Variants in SV2B observed in about 807,000 individuals in gnomAD.
SV2B encodes synaptic vesicle glycoprotein 2B, also known as solute carrier family 22 member B2.
Under a neutral mutation model 73.9 loss-of-function variants are expected in SV2B, and 41 were observed. That is an observed-to-expected ratio of 0.56 (90% confidence interval 0.43 to 0.72). The LOEUF (loss-of-function observed/expected upper bound fraction) is 0.72. Among genes scored for constraint, SV2B ranks in the 30% least tolerant of loss-of-function variants. SV2B has a pLI of 0.00. For missense variants in SV2B, 764 were observed against 857.8 expected (o/e 0.89, Z 1.37); for synonymous variants, 314 against 314.2 (o/e 1.00, Z 0.01).
At position 91,239,883 on chromosome 15, in the gene SV2B, A is replaced by T. The variant is rs541071371; in HGVS notation, c.452-11936A>T. Reference sequence around the variant, plus strand: ...CCATGGTGGTCACAAGATAGCCACCATAGCTCTAATCTAAGTCCCCCGATA... The same window carrying T: ...CCATGGTGGTCACAAGATAGCCACCTTAGCTCTAATCTAAGTCCCCCGATA... On this transcript the variant is annotated intron_variant, in intron 2 of 12. Transcript: ENST00000394232. This position sits in a 1 kb window ranked among gnomAD's most constrained non-coding sequence, Gnocchi z 5.1. Among the ~76,000 whole-genome samples, 1 of 152,336 alleles carries T rather than the reference A, an allele frequency of 6.6e-6. No individual in the cohort carries two copies. The highest frequency in any genetic ancestry group is 1.9e-4 in the East Asian group (1 of 5,184).
At chr15:91,186,997 T>G (rs934810105) in intron 1 of SV2B, among the ~76,000 whole-genome samples, 6 of 152,234 alleles carry the variant, frequency 3.9e-5, no homozygotes, top group Admixed American at 1.3e-4. Context: ...AAAAGTACAC[T>G]TTTTGTTTTC....
intron 1 of SV2B, among the ~76,000 whole-genome samples, chr15:91,184,247 C>G (rs1385113007): frequency 6.6e-6 from 1 of 152,184 alleles, no homozygotes; most frequent in Non-Finnish European, 1.5e-5. Flanking sequence ...AGTGCCCACT[C>G]TCAGTAAGAA....
chr15:91,160,098 C>G (rs753271409), intron 1 of SV2B, among the ~76,000 whole-genome samples: 1 of 152,084 alleles, frequency 6.6e-6, no homozygotes, highest in Non-Finnish European at 1.5e-5. Context: ...GTGCCATGTT[C>G]CTGGATGGAA....
At chr15:91,266,764 G>A in intron 7 of SV2B, 72 bp downstream of exon 7, 1 of 1,285,656 alleles carries the variant, frequency 7.8e-7, no homozygotes, top group Non-Finnish European at 1.1e-6. Context: ...GATGAAAAAT[G>A]CAGCTCCTGA....
rs1312517129 is a variant in SV2B, at chr15:91,267,957, C to T, written c.1208+314C>T. ...TGCTGGGACTACAGATGTGTGCCAC[C>T]ACACCTGGATAATTTTTGTATTTTT... On this transcript the variant is annotated intron_variant, in intron 8 of 12. Transcript: ENST00000394232. The surrounding 1 kb of genome is among the most constrained non-coding windows in gnomAD (Gnocchi z 4.3). 6.6e-6 allele frequency among the ~76,000 whole-genome samples: 1 copy of T among 152,152 alleles called. No homozygotes were observed. Among genetic ancestry groups the T allele is most frequent in the African/African-American group, 2.4e-5 (1 of 41,424 alleles).
At chr15:91,249,100 ACACACAC>A in intron 2 of SV2B, among the ~76,000 whole-genome samples, 1 of 145,742 alleles carries the variant, frequency 6.9e-6, no homozygotes, top group Non-Finnish European at 1.5e-5. Context: ...ACACACACAC[ACACACAC>A]ATGTTTATGA....
rs992671679 is a variant in SV2B at position 91,198,402 on chromosome 15, A to G, written c.-391-27471A>G. On this transcript the variant is annotated intron_variant, in intron 1 of 12. Coordinates refer to ENST00000394232, the MANE Select transcript of SV2B (RefSeq NM_001323032.3). ...CTTCGGCACTGAACGGATTTTTCTC[A>G]TTGCTTTTTCTTCTCAGTGACAGCT... Among the ~76,000 whole-genome samples, 14 of 148,288 alleles carry G rather than the reference A, an allele frequency of 9.4e-5. 1 individual carries two copies. The South Asian group carries it at 1.1e-3, about 11-fold the overall frequency.
chr15:91,179,926 C>G (rs1462460807), intron 1 of SV2B, among the ~76,000 whole-genome samples: 1 of 150,194 alleles, frequency 6.7e-6, no homozygotes, highest in East Asian at 2.0e-4. Context: ...TGAATTTGAT[C>G]CTGTCGTTAT....
intron 1 of SV2B, among the ~76,000 whole-genome samples, chr15:91,216,685 G>T (rs1226211999): frequency 2.6e-5 from 4 of 151,462 alleles, no homozygotes; most frequent in Non-Finnish European, 5.9e-5. Context: ...TGGTCAGGCT[G>T]GTCTCGAACT....
chr15:91,203,045 A>G (rs768808021), intron 1 of SV2B, among the ~76,000 whole-genome samples: 35 of 152,202 alleles, frequency 2.3e-4, no homozygotes, highest in Non-Finnish European at 4.3e-4. Context: ...AATGCTTAGG[A>G]TGACAGTCTT....
In SV2B at chr15:91,267,502, A is replaced by G; in HGVS notation, c.1120-53A>G. On this transcript the variant is annotated intron_variant, in intron 7 of 12. Coordinates refer to ENST00000394232, the MANE Select transcript of SV2B (RefSeq NM_001323032.3). The surrounding 1 kb of genome is among the most constrained non-coding windows in gnomAD (Gnocchi z 4.3). The stretch of plus-strand genomic sequence containing the variant: ...TGAGTAATGAGCTCTTCGTGGGAGA[A>G]ACAAAGTCACACATTGCTTTCTTTA... 6.6e-7 allele frequency: 1 copy of G among 1,513,864 alleles called. No homozygotes were observed. The highest frequency in any genetic ancestry group is 1.4e-5 in the African/African-American group (1 of 73,202). The allele number at this position is 1,513,864 out of a possible 1,614,324, so 93.8% of individuals were successfully genotyped here. A position where few individuals can be genotyped will look rare whatever the true frequency, so the allele number is the denominator to read the frequency against.
At chr15:91,190,878 C>G (rs372744459) in intron 1 of SV2B, among the ~76,000 whole-genome samples, 2 of 151,842 alleles carry the variant, frequency 1.3e-5, no homozygotes, top group Non-Finnish European at 2.9e-5. Flanking sequence ...GTAGTTTTAT[C>G]AATGCTGCTT....
At chr15:91,276,802 G>GTTATTATTATTA (rs1464096663) in intron 9 of SV2B, among the ~76,000 whole-genome samples, 34 of 56,784 alleles carry the variant, frequency 6.0e-4, no homozygotes, top group African/African-American at 2.2e-3. Context: ...TATTATTGTT[G>GTTATTATTATTA]TTGTTATTAT....
chr15:91,172,977 A>G (rs1227793167), intron 1 of SV2B, among the ~76,000 whole-genome samples: 1 of 152,000 alleles, frequency 6.6e-6, no homozygotes, highest in Non-Finnish European at 1.5e-5. Flanking sequence ...ACGTGGATAA[A>G]TCAATAGCAA....
At chr15:91,248,075 A>C (rs2047315223) in intron 2 of SV2B, among the ~76,000 whole-genome samples, 1 of 152,200 alleles carries the variant, frequency 6.6e-6, no homozygotes, top group Non-Finnish European at 1.5e-5. Context: ...TAATCCCAGC[A>C]CTTTGGGAGG....
chr15:91,248,243 C>T (rs1279599465), intron 2 of SV2B, among the ~76,000 whole-genome samples: 4 of 152,116 alleles, frequency 2.6e-5, no homozygotes, highest in Non-Finnish European at 5.9e-5. Context: ...ATGGCGTGAA[C>T]CCGGGAGGCG....
At chr15:91,228,792 C>T (rs957864871) in intron 2 of SV2B, among the ~76,000 whole-genome samples, 3 of 152,340 alleles carry the variant, frequency 2.0e-5, no homozygotes, top group Admixed American at 6.5e-5. Flanking sequence ...CCTATGCACT[C>T]GTGGGAACCT....
At chr15:91,109,423 A>G (rs1214917449) in intron 1 of SV2B, among the ~76,000 whole-genome samples, 1 of 152,240 alleles carries the variant, frequency 6.6e-6, no homozygotes, top group Non-Finnish European at 1.5e-5. Context: ...TAGGCTCCCA[A>G]AACTCACCTA....
At chr15:91,165,849 A>G (rs2096601254) in intron 1 of SV2B, among the ~76,000 whole-genome samples, 1 of 152,190 alleles carries the variant, frequency 6.6e-6, no homozygotes. Flanking sequence ...TTCTAGTGTT[A>G]TTTCCTTTCT....
Sources: allele counts gnomAD v4.1 joint callset (sites outside exome capture counted in the v4.1 genomes callset), GRCh38; gene constraint gnomAD v4.1.1; non-coding constraint Gnocchi (gnomAD v3.1); transcripts MANE v1.5; gene names NCBI Gene and HGNC (gene_info 2026-07-23, HGNC 2026-07-21).